The following STARD3 variants were observed in gnomAD, a reference collection of about 807,000 sequenced individuals.
STARD3 encodes the protein stAR-related lipid transfer protein 3.
STARD3 carries 39 observed loss-of-function variants against 62.0 expected under a neutral mutation model. The observed-to-expected ratio is 0.63, with a 90% CI of 0.49 to 0.82. The LOEUF (loss-of-function observed/expected upper bound fraction) is 0.82, where lower values mean the gene tolerates loss of function less well. STARD3 is among the 40% of genes least tolerant of loss of function. The probability of loss-of-function intolerance (pLI) is 0.00; values close to 1 mark genes in which losing one functional copy is unlikely to be tolerated. For missense variants in STARD3, 543 were observed against 584.5 expected (o/e 0.93, Z 0.73); for synonymous variants, 229 against 242.4 (o/e 0.94, Z 0.51).
At position 39,657,978 on chromosome 17, in the gene STARD3, G is replaced by T. The variant is rs769561955; in HGVS notation, c.381G>T (p.Thr127=). ...RLRHWWVIAV[T]TLVSSAFLIV... ...TCCCTCCCTCCCCTGGGCAGGTCAC[G>T]ACGCTGGTGTCCAGTGCATTCCTCA... is the stretch of plus-strand genomic sequence containing the variant. Residue 127 remains threonine, a synonymous_variant, in exon 5 of 15, where the codon ACG becomes ACT. Coordinates refer to ENST00000336308, the MANE Select transcript of STARD3 (RefSeq NM_006804.4). The T allele has an allele frequency of 1.3e-6, 2 of 1,584,460 alleles. No individual in the cohort carries two copies. The highest frequency in any genetic ancestry group is 2.2e-5 in the East Asian group (1 of 44,490).
At position 39,659,088 on chromosome 17, in the gene STARD3, GA is replaced by G; in HGVS notation, c.688del (p.Ser230ValfsTer56). On this transcript the variant is annotated frameshift_variant, in exon 8 of 15. Transcript: ENST00000336308. LOFTEE classifies it high-confidence loss of function. ...NESDEEVAGK[K>X]SFSAQEREYI... ...AATCAGATGAAGAAGTTGCTGGGAA[GA>G]AAAGTTTCTCTGCTCAGGTATTTGC... The G allele has an allele frequency of 1.2e-6, 2 of 1,614,212 alleles. No homozygotes were observed. The highest frequency in any genetic ancestry group is 1.7e-6 in the Non-Finnish European group (2 of 1,180,030).
chr17:39,639,820 A>G (rs368071258), intron 1 of STARD3, among the ~76,000 whole-genome samples: 12 of 152,238 alleles, frequency 7.9e-5, no homozygotes, highest in South Asian at 4.2e-4. Context: ...GCCTCCCTGT[A>G]ATGCCCACCC....
chr17:39,657,481 C>G (rs573287672), intron 3 of STARD3, among the ~76,000 whole-genome samples: 6 of 151,230 alleles, frequency 4.0e-5, no homozygotes, highest in Admixed American at 6.6e-5. Flanking sequence ...GAGCTGAGAC[C>G]GTGCCACCGC....
intron 3 of STARD3, among the ~76,000 whole-genome samples, chr17:39,657,526 CA>C (rs779901849): frequency 0.025 from 2,393 of 96,658 alleles, 57 homozygotes; most frequent in African/African-American, 0.079. Flanking sequence ...GACTCTGTCT[CA>C]AAAAAAAAAA....
At position 39,653,589 on chromosome 17, in the gene STARD3, G is replaced by T. The variant is rs376528158; in HGVS notation, c.58G>T (p.Ala20Ser). 6.8e-6 allele frequency: 11 copies of T among 1,611,302 alleles called. No individual in the cohort carries two copies. Among genetic ancestry groups the T allele is most frequent in the Non-Finnish European group, 9.3e-6 (11 of 1,179,996 alleles). Residue 20 changes from alanine to serine, a missense_variant, in exon 2 of 15, where the codon GCC becomes TCC. Coordinates refer to ENST00000336308, the MANE Select transcript of STARD3 (RefSeq NM_006804.4). ...CTTGGAGCGCAGCCTGCCTGCCGTG[G>T]CCTCCCTGGGCTCCTCACTGTCCCA... ...RDLERSLPAV[A>S]SLGSSLSHSQ...
At chr17:39,651,759 G>A (rs569176277) in intron 1 of STARD3, 2 of 152,276 alleles carry the variant, frequency 1.3e-5, no homozygotes, top group East Asian at 1.9e-4. Context: ...TAGTAGAGAC[G>A]GGTTTCACTG....
chr17:39,642,581 C>A lies in STARD3; in HGVS notation c.-52+5350C>A, dbSNP rs535897867. 4.6e-5 allele frequency among the ~76,000 whole-genome samples: 7 copies of A among 152,232 alleles called. No homozygotes were observed. In the South Asian group the frequency reaches 1.4e-3, roughly 32 times the overall value. On this transcript the variant is annotated intron_variant, in intron 1 of 14. Transcript: ENST00000336308. ...TGGTACAGTTCTGGCACTGGGCATG[C>A]AGCAGGGAGCAAAGCACAGGAAGTC...
At chr17:39,653,030 T>TGC (rs2057091837) in intron 1 of STARD3, 1 of 173,730 alleles carries the variant, frequency 5.8e-6, no homozygotes, top group African/African-American at 2.4e-5. Flanking sequence ...GAAGACTGGC[T>TGC]GCTGGGAGGG....
At chr17:39,637,804 G>A (rs573986626) in intron 1 of STARD3, among the ~76,000 whole-genome samples, 1 of 152,090 alleles carries the variant, frequency 6.6e-6, no homozygotes, top group Non-Finnish European at 1.5e-5. Context: ...TCTTCGTACC[G>A]CTCTGACAGT....
intron 13 of STARD3, 51 bp from the exon 14 acceptor site, chr17:39,662,200 T>C: frequency 6.5e-7 from 1 of 1,549,384 alleles, no homozygotes; most frequent in South Asian, 1.1e-5. Flanking sequence ...CGGGGGGGTG[T>C]CAGGGCCTCA....
In STARD3 at chr17:39,645,881, C is replaced by CTTTTTT. The variant is rs71147368; in HGVS notation, c.-51-7577_-51-7572dup. On this transcript the variant is annotated intron_variant, in intron 1 of 14. Transcript: ENST00000336308. The stretch of plus-strand genomic sequence containing the variant: ...ATCCCTGTGACATAGGGATTCTTGC[C>CTTTTTT]TTTTTTTTTTTTTTTTTTTTTTTTT... Among the ~76,000 whole-genome samples, 8 of 55,666 alleles carry CTTTTTT rather than the reference C, an allele frequency of 1.4e-4. 3 individuals carry two copies. The highest frequency in any genetic ancestry group is 4.0e-4 in the East Asian group (1 of 2,472). The allele number at this position is 55,666 out of a possible 152,430, so 36.5% of individuals were successfully genotyped here.
intron 1 of STARD3, among the ~76,000 whole-genome samples, chr17:39,643,794 A>C (rs2057001222): frequency 6.6e-6 from 1 of 152,244 alleles, no homozygotes; most frequent in Admixed American, 6.5e-5. Context: ...AGAGCAGGAA[A>C]GTAATCCCAG....
In STARD3 at chr17:39,658,769, T is replaced by G; in HGVS notation, c.595T>G (p.Ser199Ala). 2 of 1,614,020 alleles carry G rather than the reference T, an allele frequency of 1.2e-6. No homozygotes were observed. Among genetic ancestry groups the G allele is most frequent in the Middle Eastern group, 1.6e-4 (1 of 6,062 alleles). Reference sequence around the variant, plus strand: ...TGTTGCCCGTGGACCCCTGCTGTTCTCCGGTGCTCTGTCCGAGGGACAGTT... The same window carrying G: ...TGTTGCCCGTGGACCCCTGCTGTTCGCCGGTGCTCTGTCCGAGGGACAGTT... ...VAVARGPLLF[S>A]GALSEGQFYS... Residue 199 changes from serine (S) to alanine (A), a missense_variant, in exon 7 of 15, where the codon TCC becomes GCC. Coordinates refer to ENST00000336308, the MANE Select transcript of STARD3 (RefSeq NM_006804.4).
At chr17:39,648,973 C>G (rs1218584204) in intron 1 of STARD3, among the ~76,000 whole-genome samples, 1 of 151,802 alleles carries the variant, frequency 6.6e-6, no homozygotes, top group African/African-American at 2.4e-5. Flanking sequence ...AGTAGGCGAG[C>G]GACAGCACCT....
Position 39,660,822 on chromosome 17 carries a change from G to T in STARD3, c.967G>T (p.Val323Leu), listed in dbSNP as rs757775646. Reference protein sequence around the residue: ...TVTACQILQRVEDNTLISYDV... With the variant: ...TVTACQILQRLEDNTLISYDV... The stretch of plus-strand genomic sequence containing the variant: ...TGACGGCCCTCAGATCCTGCAGCGA[G>T]TGGAAGACAACACCCTCATCTCCTA... The change falls in exon 12 of 15, where the codon GTG (valine) becomes TTG (leucine). Residue 323 changes from valine (V) to leucine (L), a missense_variant. Physicochemically the swap from Val to Leu is conservative, Grantham distance 32. Transcript: ENST00000336308. The surrounding 1 kb of genome is among the most constrained non-coding windows in gnomAD (Gnocchi z 4.8). 1 of 1,588,544 alleles carries T rather than the reference G, an allele frequency of 6.3e-7. No homozygotes were observed. Among genetic ancestry groups the T allele is most frequent in the South Asian group, 1.2e-5 (1 of 86,884 alleles).
intron 1 of STARD3, among the ~76,000 whole-genome samples, chr17:39,639,900 T>C (rs1173337502): frequency 6.6e-6 from 1 of 152,198 alleles, no homozygotes; most frequent in Non-Finnish European, 1.5e-5. Context: ...CCCTGTGGCT[T>C]TTCTGACTTC....
At chr17:39,662,430 T>C (rs2057210704) in intron 14 of STARD3, 86 bp downstream of exon 14, 1 of 1,322,006 alleles carries the variant, frequency 7.6e-7, no homozygotes, top group Non-Finnish European at 1.1e-6. Context: ...CTTTGGGGGC[T>C]CTCTGCCATG....
intron 1 of STARD3, chr17:39,653,200 G>A: frequency 2.4e-6 from 1 of 412,696 alleles, no homozygotes; most frequent in Admixed American, 3.9e-5. Context: ...GAGGGGGTAG[G>A]TGCCCATGCA....
At chr17:39,659,668 C>A in intron 9 of STARD3, 115 bp downstream of exon 9, 1 of 1,142,570 alleles carries the variant, frequency 8.8e-7, no homozygotes, top group Admixed American at 2.2e-5. Context: ...TATTCCTGCC[C>A]CAAGAGAGGG....
Sources: gnomAD v4.1 joint callset for allele counts (sites outside exome capture counted in the v4.1 genomes callset) on GRCh38, gnomAD v4.1.1 for gene constraint, Gnocchi (gnomAD v3.1) non-coding constraint, MANE v1.5 for transcripts, NCBI Gene and HGNC (gene_info 2026-07-23, HGNC 2026-07-21) for gene names.